The following ZNF148 variants were observed in gnomAD, a reference collection of about 807,000 sequenced individuals.
ZNF148 encodes zinc finger protein 148, also known as Beta-Enolase Repressor Factor-1.
A neutral mutation model predicts 67.7 loss-of-function variants in ZNF148; 7 were observed. That is an observed-to-expected ratio of 0.10 (90% CI 0.06 to 0.19). The LOEUF (loss-of-function observed/expected upper bound fraction) is 0.19, where lower values mean the gene tolerates loss of function less well. Among genes scored for constraint, ZNF148 ranks in the 10% least tolerant of loss-of-function variants. The pLI, the probability that ZNF148 is intolerant of heterozygous loss-of-function variation, is 1.00. For missense variants in ZNF148, 583 were observed against 947.1 expected (o/e 0.62, Z 5.05); for synonymous variants, 333 against 330.7 (o/e 1.01, Z -0.08).
chr3:125,255,849 C>CG (rs1937049164), intron 7 of ZNF148, among the ~76,000 whole-genome samples: 1 of 151,596 alleles, frequency 6.6e-6, no homozygotes, highest in Admixed American at 6.6e-5. Flanking sequence ...GATAATTTGT[C>CG]TTTTTTTTCC....
intron 7 of ZNF148, among the ~76,000 whole-genome samples, chr3:125,270,563 G>A (rs1937679926): frequency 6.6e-6 from 1 of 152,020 alleles, no homozygotes; most frequent in Non-Finnish European, 1.5e-5. Context: ...AATTTTTCAG[G>A]GGGCCCTACA....
At chr3:125,264,413 A>T (rs921856227) in intron 7 of ZNF148, among the ~76,000 whole-genome samples, 2 of 152,184 alleles carry the variant, frequency 1.3e-5, no homozygotes, top group African/African-American at 4.8e-5. Context: ...GTGTCCAAAG[A>T]GTTGGAGAAG....
chr3:125,288,256 A>G (rs1215486523), intron 4 of ZNF148, 28 bp from the exon 5 acceptor site: 1 of 1,584,750 alleles, frequency 6.3e-7, no homozygotes, highest in Admixed American at 1.8e-5. Context: ...AGCCAATTTT[A>G]GACATAAATA....
intron 1 of ZNF148, among the ~76,000 whole-genome samples, chr3:125,372,438 G>A (rs933447506): frequency 4.6e-5 from 7 of 152,204 alleles, no homozygotes; most frequent in African/African-American, 1.4e-4. Context: ...GAAAGGAGGA[G>A]AAAGGGGATA....
chr3:125,278,461 C>T (rs971961320), intron 6 of ZNF148, among the ~76,000 whole-genome samples: 1 of 152,108 alleles, frequency 6.6e-6, no homozygotes, highest in African/African-American at 2.4e-5. Flanking sequence ...TGCCCACTTG[C>T]GGTTTAACCC....
At chr3:125,261,564 A>G (rs1347814973) in intron 7 of ZNF148, among the ~76,000 whole-genome samples, 4 of 152,164 alleles carry the variant, frequency 2.6e-5, no homozygotes, top group Admixed American at 2.6e-4. Flanking sequence ...GGATAGTGAA[A>G]AGGAGGTAGA....
chr3:125,320,702 A>G (rs1559754362), intron 3 of ZNF148, among the ~76,000 whole-genome samples: 1 of 152,194 alleles, frequency 6.6e-6, no homozygotes, highest in African/African-American at 2.4e-5. Flanking sequence ...AACAGAACCC[A>G]TTCAATCTAA....
At chr3:125,270,271 C>T (rs1937661655) in intron 7 of ZNF148, among the ~76,000 whole-genome samples, 1 of 151,574 alleles carries the variant, frequency 6.6e-6, no homozygotes, top group Non-Finnish European at 1.5e-5. Flanking sequence ...CTCTGGGAGG[C>T]CAAAATCGGA....
intron 4 of ZNF148, among the ~76,000 whole-genome samples, chr3:125,293,418 A>G (rs1392998059): frequency 6.6e-6 from 1 of 152,188 alleles, no homozygotes; most frequent in Non-Finnish European, 1.5e-5. Context: ...ACGACACCCA[A>G]CACACCTAGC....
chr3:125,342,759 T>C (rs1941783894), intron 1 of ZNF148, among the ~76,000 whole-genome samples: 1 of 152,202 alleles, frequency 6.6e-6, no homozygotes, highest in African/African-American at 2.4e-5. Flanking sequence ...TGGTTAGTTT[T>C]ATAAATCATA....
intron 3 of ZNF148, among the ~76,000 whole-genome samples, chr3:125,316,762 T>C (rs1373217426): frequency 6.6e-6 from 1 of 152,232 alleles, no homozygotes; most frequent in Non-Finnish European, 1.5e-5. Flanking sequence ...CCTTGTCAGA[T>C]GGGTAGTTTG....
intron 7 of ZNF148, among the ~76,000 whole-genome samples, chr3:125,269,624 A>G (rs1326615252): frequency 2.0e-5 from 3 of 152,306 alleles, no homozygotes; most frequent in Non-Finnish European, 4.4e-5. Context: ...CCCAAAGGAA[A>G]AAAAAATTCT....
intron 7 of ZNF148, among the ~76,000 whole-genome samples, chr3:125,270,384 A>G (rs1937669711): frequency 6.6e-6 from 1 of 151,884 alleles, no homozygotes; most frequent in Non-Finnish European, 1.5e-5. Context: ...TTACCCAGGC[A>G]TGGTGGTGTG....
At chr3:125,268,442 CA>C (rs1216498099) in intron 7 of ZNF148, among the ~76,000 whole-genome samples, 1 of 151,910 alleles carries the variant, frequency 6.6e-6, no homozygotes, top group East Asian at 1.9e-4. Flanking sequence ...AGAAAGTTGG[CA>C]AAAAATAATC....
chr3:125,267,623 G>A (rs1204227178), intron 7 of ZNF148, among the ~76,000 whole-genome samples: 1 of 152,034 alleles, frequency 6.6e-6, no homozygotes, highest in Non-Finnish European at 1.5e-5. Flanking sequence ...TCAACACTAT[G>A]CTGAACAGGC....
intron 7 of ZNF148, among the ~76,000 whole-genome samples, chr3:125,238,892 T>C (rs1230333875): frequency 6.6e-6 from 1 of 152,146 alleles, no homozygotes; most frequent in Non-Finnish European, 1.5e-5. Flanking sequence ...TGGATAGAAA[T>C]ATGTGACACA....
intron 4 of ZNF148, chr3:125,311,000 A>T: frequency 5.0e-6 from 1 of 199,982 alleles, no homozygotes. Context: ...ACCCTGACTC[A>T]GGGATCCACA....
At position 125,261,554 on chromosome 3, in the gene ZNF148, G is replaced by A. The variant is rs1163649932; in HGVS notation, c.667+16172C>T. ...AAAATGAAGATATGAGGAAAATGAG[G>A]GATAGTGAAAAGGAGGTAGAATCAC... On this transcript the variant is annotated intron_variant, in intron 7 of 8. Transcript: ENST00000360647. Among the ~76,000 whole-genome samples, 2 of 151,824 alleles carry A rather than the reference G, an allele frequency of 1.3e-5. 1 individual carries two copies. Among genetic ancestry groups the A allele is most frequent in the South Asian group, 4.2e-4 (2 of 4,794 alleles).
chr3:125,237,645 A>C (rs1936153313), intron 7 of ZNF148, among the ~76,000 whole-genome samples: 1 of 151,328 alleles, frequency 6.6e-6, no homozygotes, highest in Admixed American at 6.6e-5. Flanking sequence ...GTCAGAAGTT[A>C]CAGTTATTTA....
Sources: allele counts gnomAD v4.1 joint callset (sites outside exome capture counted in the v4.1 genomes callset), GRCh38; gene constraint gnomAD v4.1.1; transcripts MANE v1.5; gene names NCBI Gene and HGNC (gene_info 2026-07-23, HGNC 2026-07-21).